The following CIMIP6 variants were observed in gnomAD, a reference collection of about 807,000 sequenced individuals.
CIMIP6 encodes uncharacterized protein C2orf73.
the CIMIP6 span, among the ~76,000 whole-genome samples, chr2:54,358,659 G>C: frequency 6.6e-6 from 1 of 152,042 alleles, no homozygotes; most frequent in African/African-American, 2.4e-5. Context: ...CCTCCTCCCA[G>C]GGCATGCTGG....
At chr2:54,369,939 A>T in the CIMIP6 span, among the ~76,000 whole-genome samples, 1 of 152,160 alleles carries the variant, frequency 6.6e-6, no homozygotes. Context: ...CTTTAGTCCT[A>T]TATTTTGGTC....
chr2:54,373,211 C>T, the CIMIP6 span, among the ~76,000 whole-genome samples: 10 of 152,212 alleles, frequency 6.6e-5, no homozygotes, highest in Non-Finnish European at 1.0e-4. Context: ...CCTTCACAGT[C>T]GGGCAGCCCC....
the CIMIP6 span, among the ~76,000 whole-genome samples, chr2:54,364,451 G>A: frequency 3.5e-3 from 536 of 152,296 alleles, 2 homozygotes; most frequent in African/African-American, 0.012. Context: ...TATATGTTAA[G>A]TACTGAAGCA....
the CIMIP6 span, among the ~76,000 whole-genome samples, chr2:54,362,737 G>A: frequency 4.6e-5 from 7 of 152,134 alleles, no homozygotes; most frequent in East Asian, 1.3e-3. Flanking sequence ...AGTATAGGCA[G>A]GGTTTTGCCA....
chr2:54,353,354 G>A, the CIMIP6 span, among the ~76,000 whole-genome samples: 1 of 152,096 alleles, frequency 6.6e-6, no homozygotes, highest in African/African-American at 2.4e-5. Context: ...CACTTTTAGG[G>A]CTCTGAGTCA....
chr2:54,334,493 CCA>C, the CIMIP6 span, among the ~76,000 whole-genome samples: 1 of 152,210 alleles, frequency 6.6e-6, no homozygotes, highest in Non-Finnish European at 1.5e-5. Flanking sequence ...TGTAACTTAT[CCA>C]CACACGTGAG....
the CIMIP6 span, among the ~76,000 whole-genome samples, chr2:54,369,442 C>T: frequency 6.6e-6 from 1 of 152,086 alleles, no homozygotes; most frequent in African/African-American, 2.4e-5. Flanking sequence ...GTCCATGAAG[C>T]AAGAACAATT....
At chr2:54,343,404 C>A in the CIMIP6 span, among the ~76,000 whole-genome samples, 2 of 152,044 alleles carry the variant, frequency 1.3e-5, no homozygotes, top group African/African-American at 4.8e-5. Flanking sequence ...TACACGTGTA[C>A]ATATATAATA....
At chr2:54,362,499 G>A in the CIMIP6 span, among the ~76,000 whole-genome samples, 5 of 152,044 alleles carry the variant, frequency 3.3e-5, no homozygotes, top group African/African-American at 7.2e-5. Flanking sequence ...TTAGCTAAAT[G>A]TTTGAACACT....
At chr2:54,347,583 T>C in the CIMIP6 span, among the ~76,000 whole-genome samples, 2 of 152,168 alleles carry the variant, frequency 1.3e-5, no homozygotes, top group African/African-American at 2.4e-5. Context: ...TGGTGAAAGA[T>C]GACACTGGAG....
chr2:54,338,761 G>A, the CIMIP6 span, among the ~76,000 whole-genome samples: 2 of 75,432 alleles, frequency 2.7e-5, 1 homozygote, highest in African/African-American at 8.9e-5. Flanking sequence ...AGATTTTTAA[G>A]ATTTCGTACA....
the CIMIP6 span, among the ~76,000 whole-genome samples, chr2:54,361,954 G>C: frequency 1.3e-5 from 2 of 152,154 alleles, no homozygotes; most frequent in African/African-American, 4.8e-5. Flanking sequence ...GTACAAGGCA[G>C]ACTCCACTCC....
the CIMIP6 span, among the ~76,000 whole-genome samples, chr2:54,343,225 T>G: frequency 6.6e-6 from 1 of 152,214 alleles, no homozygotes; most frequent in Non-Finnish European, 1.5e-5. Flanking sequence ...TTGTTTCAGT[T>G]TTATGTATGT....
chr2:54,372,725 G>C, the CIMIP6 span, among the ~76,000 whole-genome samples: 1 of 152,178 alleles, frequency 6.6e-6, no homozygotes, highest in African/African-American at 2.4e-5. Flanking sequence ...CTCTTCTTCA[G>C]ACCCAGCCAC....
At chr2:54,337,247 G>C in the CIMIP6 span, among the ~76,000 whole-genome samples, 1 of 152,106 alleles carries the variant, frequency 6.6e-6, no homozygotes. Context: ...TCTTGTCATG[G>C]ACAGCACACC....
chr2:54,378,468 G>A, the CIMIP6 span, among the ~76,000 whole-genome samples: 1 of 152,062 alleles, frequency 6.6e-6, no homozygotes, highest in Non-Finnish European at 1.5e-5. Flanking sequence ...CAAATCATAT[G>A]TTTTATATAT....
chr2:54,356,551 C>T, the CIMIP6 span, among the ~76,000 whole-genome samples: 3 of 152,086 alleles, frequency 2.0e-5, no homozygotes, highest in East Asian at 1.9e-4. Flanking sequence ...TTGGTAGCTC[C>T]GGTTCCTGCT....
the CIMIP6 span, among the ~76,000 whole-genome samples, chr2:54,364,703 A>C: frequency 1.5e-4 from 23 of 152,338 alleles, no homozygotes; most frequent in Admixed American, 1.2e-3. Flanking sequence ...AAGAAGTATC[A>C]AGACAAATAA....
the CIMIP6 span, among the ~76,000 whole-genome samples, chr2:54,348,190 T>G: frequency 6.6e-6 from 1 of 152,244 alleles, no homozygotes; most frequent in Admixed American, 6.5e-5. Flanking sequence ...CCATTAAATT[T>G]AATCATCCTG....
Sources: allele counts gnomAD v4.1 joint callset (sites outside exome capture counted in the v4.1 genomes callset), GRCh38; gene constraint gnomAD v4.1.1; transcripts MANE v1.5; gene names NCBI Gene and HGNC (gene_info 2026-07-23, HGNC 2026-07-21).